Variants in PTCH2 observed in about 807,000 individuals in gnomAD.
The protein encoded by PTCH2 is protein patched homolog 2.
PTCH2 carries 96 observed loss-of-function variants against 117.9 expected under a neutral mutation model. The ratio of observed to expected loss-of-function variants is 0.81; its 90% confidence interval spans 0.69 to 0.96. The LOEUF (loss-of-function observed/expected upper bound fraction) is 0.96, where lower values mean the gene tolerates loss of function less well. Among genes scored for constraint, PTCH2 ranks in the 50% least tolerant of loss-of-function variants. PTCH2 has a pLI of 0.00. For synonymous variants in PTCH2, 615 were observed against 660.9 expected (o/e 0.93, Z 1.06); for missense variants, 1,379 against 1,562.5 (o/e 0.88, Z 1.98).
chr1:44,827,475 G>C lies in PTCH2; in HGVS notation c.2298C>G (p.Leu766=). 1 of 1,614,042 alleles carries C rather than the reference G, an allele frequency of 6.2e-7. No homozygotes were observed. Among genetic ancestry groups the C allele is most frequent in the Non-Finnish European group, 8.5e-7 (1 of 1,179,950 alleles). The change falls in exon 15 of 22, where the codon CTC becomes CTG. Residue 766 remains leucine (L), a synonymous_variant. Coordinates refer to ENST00000372192, the MANE Select transcript of PTCH2 (RefSeq NM_003738.5). ...LFDLHQRFSS[L]KAVLPPPATQ... is the part of the protein sequence containing the mutation. ...TGGCCGGTGGGGGCAGCACCGCCTT[G>C]AGGGAACTGAAGCGCTGGTGCAGAT...
In PTCH2 at chr1:44,830,978, A is replaced by G; in HGVS notation, c.683T>C (p.Phe228Ser). 2 of 1,612,474 alleles carry G rather than the reference A, an allele frequency of 1.2e-6. No individual in the cohort carries two copies. Among genetic ancestry groups the G allele is most frequent in the South Asian group, 1.1e-5 (1 of 91,008 alleles). Residue 228 changes from phenylalanine to serine, a missense_variant, in exon 6 of 22, where the codon TTT becomes TCT. Transcript: ENST00000372192. ...CTCCCGGAAGCCCTCAAGGGAGGCA[A>G]AGGGACCCAGCTCCTCCAGCAGCTG... ...PEQLLEELGP[F>S]ASLEGFRELL...
In PTCH2 at chr1:44,826,965, A is replaced by AGTT; in HGVS notation, c.2629_2631dup (p.Asn877dup). On this transcript the variant is annotated inframe_insertion, in exon 17 of 22. Coordinates refer to ENST00000372192, the MANE Select transcript of PTCH2 (RefSeq NM_003738.5). The surrounding 1 kb of genome is among the most constrained non-coding windows in gnomAD (Gnocchi z 5.1). ...AGCCATTCAGGAGGTGGGGGGTAGA[A>AGTT]GTTGGCCTGTGAGGCTGCCAGACCC... The AGTT allele has an allele frequency of 1.9e-6, 3 of 1,613,982 alleles. No individual in the cohort carries two copies. The highest frequency in any genetic ancestry group is 2.5e-6 in the Non-Finnish European group (3 of 1,180,006).
At position 44,838,593 on chromosome 1, in the gene PTCH2, G is replaced by A. The variant is rs11573552; in HGVS notation, c.265+3254C>T. 1.8e-3 allele frequency among the ~76,000 whole-genome samples: 270 copies of A among 152,290 alleles called. 7 individuals carry two copies. The East Asian group carries it at 0.042, about 24-fold the overall frequency. On this transcript the variant is annotated intron_variant, in intron 2 of 21. Coordinates refer to ENST00000372192, the MANE Select transcript of PTCH2 (RefSeq NM_003738.5). ...CTGCCTCTGAACGCTTGACTTTACA[G>A]TTGGCCAGGAAAGACAAACAAGTCA...
rs1653273920 is a variant in PTCH2 at position 44,828,568 on chromosome 1, T to C, written c.1528A>G (p.Met510Val). The C allele has an allele frequency of 1.2e-6, 2 of 1,613,944 alleles. No homozygotes were observed. The highest frequency in any genetic ancestry group is 8.5e-7 in the Non-Finnish European group (1 of 1,179,932). ...AGGGCAGCCATGAGGAAGGCGGCCA[T>C]GTTGTTGATGGATGTGAGTACGACA... is the stretch of plus-strand genomic sequence containing the variant. Reference protein sequence around the residue: ...TSVVLTSINNMAAFLMAALVP... With the variant: ...TSVVLTSINNVAAFLMAALVP... Residue 510 changes from methionine to valine, a missense_variant, in exon 12 of 22, where the codon ATG becomes GTG. Transcript: ENST00000372192.
At chr1:44,820,108 T>C, downstream of PTCH2, 1 of 325,122 alleles carries the variant, frequency 3.1e-6, no homozygotes, top group Non-Finnish European at 6.1e-6. Context: ...TGCACACAGA[T>C]GCGTGTAAGA....
At chr1:44,839,652 G>A (rs578175271) in intron 2 of PTCH2, among the ~76,000 whole-genome samples, 3 of 152,234 alleles carry the variant, frequency 2.0e-5, no homozygotes, top group Admixed American at 1.3e-4. Context: ...GCCTCTGTTG[G>A]GGCAGGAAAT....
At chr1:44,833,383 GCTT>G (rs1201158925) in intron 2 of PTCH2, among the ~76,000 whole-genome samples, 1 of 151,452 alleles carries the variant, frequency 6.6e-6, no homozygotes, top group Non-Finnish European at 1.5e-5. Flanking sequence ...CAAACGTACT[GCTT>G]CTCTGAGACT....
chr1:44,829,871 A>G, intron 7 of PTCH2, 38 bp downstream of exon 7: 3 of 1,613,974 alleles, frequency 1.9e-6, no homozygotes, highest in Non-Finnish European at 2.5e-6. Flanking sequence ...GGTTCTCATG[A>G]ACAGAGTCCC....
downstream of PTCH2, chr1:44,820,495 C>G (rs994573127): frequency 1.5e-6 from 1 of 685,982 alleles, no homozygotes; most frequent in Non-Finnish European, 2.7e-6. Context: ...CGACCCCACC[C>G]CTCCTGGAGG....
Position 44,828,634 on chromosome 1 carries a change from G to C in PTCH2, c.1465-3C>G. The C allele has an allele frequency of 6.2e-7, 1 of 1,611,554 alleles. No homozygotes were observed. On this transcript the variant is annotated splice_polypyrimidine_tract_variant and splice_region_variant and intron_variant, in intron 11 of 21. Coordinates refer to ENST00000372192, the MANE Select transcript of PTCH2 (RefSeq NM_003738.5). ...TGCAGACACTCGCCCATGCGCTCCT[G>C]CCAGGACAGAGTGGGGACCTGCCCT...
downstream of PTCH2, chr1:44,820,049 T>C: frequency 4.6e-6 from 1 of 217,230 alleles, no homozygotes; most frequent in Non-Finnish European, 9.7e-6. Flanking sequence ...CTTAACACAC[T>C]TATGGTTGTT....
At chr1:44,828,224 T>C in intron 13 of PTCH2, 33 bp from the exon 14 acceptor site, 1 of 1,613,006 alleles carries the variant, frequency 6.2e-7, no homozygotes, top group Non-Finnish European at 8.5e-7. Context: ...GACAGGTCTG[T>C]GCCTTGAAAT....
chr1:44,842,975 T>C lies in PTCH2; in HGVS notation c.-43A>G. The C allele has an allele frequency of 6.6e-7, 1 of 1,512,618 alleles. No individual in the cohort carries two copies. The highest frequency in any genetic ancestry group is 8.8e-7 in the Non-Finnish European group (1 of 1,132,478). The allele number at this position is 1,512,618 out of a possible 1,614,324, so 93.7% of individuals were successfully genotyped here. A position where few individuals can be genotyped will look rare whatever the true frequency, so the allele number is the denominator to read the frequency against. ...GCGCGGGCGCCCCCAACCCGCGTTA[T>C]CTGGGCGCTCCCATAGGCTAGCCCG... On this transcript the variant is annotated 5_prime_UTR_variant, in exon 1 of 22. Coordinates refer to ENST00000372192, the MANE Select transcript of PTCH2 (RefSeq NM_003738.5).
chr1:44,831,748 A>G lies in PTCH2; in HGVS notation c.575T>C (p.Phe192Ser). 6.3e-7 allele frequency: 1 copy of G among 1,579,540 alleles called. No individual in the cohort carries two copies. The highest frequency in any genetic ancestry group is 1.8e-5 in the Admixed American group (1 of 54,306). Residue 192 changes from phenylalanine (F) to serine (S), a missense_variant, in exon 5 of 22, where the codon TTC becomes TCC. By Grantham distance (155) the Phe-to-Ser change is radical. Transcript: ENST00000372192. The surrounding 1 kb of genome is among the most constrained non-coding windows in gnomAD (Gnocchi z 4.3). The stretch of plus-strand genomic sequence containing the variant: ...CCCTTGGAGTTTGGCTCCCTCCCAG[A>G]AGCAGTCGAGGGGGGTGAGGATCAC... ...PCVILTPLDCFWEGAKLQGGS... is the reference protein window; with the variant it reads ...PCVILTPLDCSWEGAKLQGGS...
chr1:44,843,123 G>C lies in PTCH2; in HGVS notation c.-191C>G. ...GAGGGAGGAGTGCAGGGAGCTGCGGGTCCGGGGCGCGGCGCCGGGATTCAC... is the reference window on the plus strand; with the variant it reads ...GAGGGAGGAGTGCAGGGAGCTGCGGCTCCGGGGCGCGGCGCCGGGATTCAC... On this transcript the variant is annotated 5_prime_UTR_variant, in exon 1 of 22. Coordinates refer to ENST00000372192, the MANE Select transcript of PTCH2 (RefSeq NM_003738.5). 7.6e-7 allele frequency: 1 copy of C among 1,318,514 alleles called. No homozygotes were observed. The highest frequency in any genetic ancestry group is 9.6e-7 in the Non-Finnish European group (1 of 1,036,440). The allele number at this position is 1,318,514 out of a possible 1,614,324, so 81.7% of individuals were successfully genotyped here. A position where few individuals can be genotyped will look rare whatever the true frequency, so the allele number is the denominator to read the frequency against.
In PTCH2 at chr1:44,828,643, G is replaced by C; in HGVS notation, c.1465-12C>G. On this transcript the variant is annotated splice_polypyrimidine_tract_variant and intron_variant, in intron 11 of 21. Coordinates refer to ENST00000372192, the MANE Select transcript of PTCH2 (RefSeq NM_003738.5). ...TCGCCCATGCGCTCCTGCCAGGACA[G>C]AGTGGGGACCTGCCCTCAGGTCACA... The C allele has an allele frequency of 6.2e-7, 1 of 1,610,402 alleles. No individual in the cohort carries two copies. Among genetic ancestry groups the C allele is most frequent in the East Asian group, 2.2e-5 (1 of 44,726 alleles).
In PTCH2 at chr1:44,826,848, C is replaced by T. The variant is rs1653171855; in HGVS notation, c.2695+54G>A. On this transcript the variant is annotated intron_variant, in intron 17 of 21. Transcript: ENST00000372192. This position sits in a 1 kb window ranked among gnomAD's most constrained non-coding sequence, Gnocchi z 5.1. ...GGCAGAGTGGGCAGGGCCTCAGGCT[C>T]AGGGCTTGTGTGGGCGAGGCTGAGG... 2.5e-6 allele frequency: 4 copies of T among 1,612,876 alleles called. No homozygotes were observed. The highest frequency in any genetic ancestry group is 3.4e-6 in the Non-Finnish European group (4 of 1,179,256).
intron 2 of PTCH2, among the ~76,000 whole-genome samples, chr1:44,841,612 A>G (rs548010815): frequency 4.9e-4 from 74 of 152,364 alleles, no homozygotes; most frequent in African/African-American, 1.7e-3. Context: ...CTAACGTACA[A>G]AATCACAGAC....
Position 44,829,427 on chromosome 1 carries a change from CG to C in PTCH2, c.1189del (p.Arg397ValfsTer15), listed in dbSNP as rs778199787. On this transcript the variant is annotated frameshift_variant, in exon 9 of 22. Transcript: ENST00000372192. LOFTEE classifies it high-confidence loss of function. ...LHAFSEVSAARVVGGYLLMLA... is the reference protein window; with the variant it reads ...LHAFSEVSAAXVVGGYLLMLA... ...CATGAGCAGATAGCCTCCCACCACA[CG>C]GGCAGCACTGACTTCAGAGAACGCA... 8.9e-5 allele frequency: 143 copies of C among 1,614,066 alleles called. No individual in the cohort carries two copies. The highest frequency in any genetic ancestry group is 1.2e-4 in the Non-Finnish European group (140 of 1,180,042).
Sources: allele counts gnomAD v4.1 joint callset (sites outside exome capture counted in the v4.1 genomes callset), GRCh38; gene constraint gnomAD v4.1.1; non-coding constraint Gnocchi (gnomAD v3.1); transcripts MANE v1.5; gene names NCBI Gene and HGNC (gene_info 2026-07-23, HGNC 2026-07-21).